Variants in GALNT13 observed in about 807,000 individuals in gnomAD.
The protein encoded by GALNT13 is polypeptide N-acetylgalactosaminyltransferase 13.
Under a neutral mutation model 64.2 loss-of-function variants are expected in GALNT13, and 28 were observed. The observed-to-expected ratio is 0.44, with a 90% CI of 0.32 to 0.60. The LOEUF (loss-of-function observed/expected upper bound fraction) is 0.60, where lower values mean the gene tolerates loss of function less well. GALNT13 is among the 20% of genes least tolerant of loss of function. The pLI, the probability that GALNT13 is intolerant of heterozygous loss-of-function variation, is 0.05. For missense variants in GALNT13, 577 were observed against 669.8 expected, an observed-to-expected ratio of 0.86 and a Z score of 1.53; for synonymous variants, 214 against 224.6, an observed-to-expected ratio of 0.95 and a Z score of 0.42.
At chr2:153,882,026 T>A (rs952088628) in intron 1 of GALNT13, among the ~76,000 whole-genome samples, 1 of 152,126 alleles carries the variant, frequency 6.6e-6, no homozygotes, top group African/African-American at 2.4e-5. Flanking sequence ...TAGATGAGTA[T>A]CCATTTTAAG....
At chr2:154,203,983 C>T (rs555642315) in intron 4 of GALNT13, among the ~76,000 whole-genome samples, 11 of 152,262 alleles carry the variant, frequency 7.2e-5, no homozygotes, top group East Asian at 1.9e-4. Flanking sequence ...TTACCTACTA[C>T]GCCATCAATC....
the GALNT13 span, among the ~76,000 whole-genome samples, chr2:153,376,466 A>G: frequency 6.6e-6 from 1 of 152,184 alleles, no homozygotes; most frequent in Non-Finnish European, 1.5e-5. Flanking sequence ...TTGCTGACCC[A>G]GAGAATGTAT....
At chr2:153,113,855 G>A in the GALNT13 span, among the ~76,000 whole-genome samples, 2 of 151,994 alleles carry the variant, frequency 1.3e-5, no homozygotes, top group African/African-American at 2.4e-5. Context: ...AAATTTGTTC[G>A]TGGCCACTTT....
Position 154,110,362 on chromosome 2 carries a change from G to C in GALNT13, c.143-29975G>C, listed in dbSNP as rs868712364. 3.6e-4 allele frequency among the ~76,000 whole-genome samples: 39 copies of C among 109,192 alleles called. 1 individual carries two copies. Among genetic ancestry groups the C allele is most frequent in the East Asian group, 1.2e-3 (2 of 1,630 alleles). The allele number at this position is 109,192 out of a possible 152,430, so 71.6% of individuals were successfully genotyped here. ...AGAGAGAGAGAGAGAGAGAGAGAGA[G>C]AGAGAGAGAGAGAGACAGAGAGAGA... On this transcript the variant is annotated intron_variant, in intron 3 of 12. Transcript: ENST00000392825.
At chr2:153,704,952 G>A in the GALNT13 span, among the ~76,000 whole-genome samples, 1 of 152,178 alleles carries the variant, frequency 6.6e-6, no homozygotes, top group African/African-American at 2.4e-5. Context: ...AGTTAAGCTA[G>A]AAATGTGGGG....
At chr2:153,912,741 G>T (rs1488884692) in intron 2 of GALNT13, among the ~76,000 whole-genome samples, 1 of 152,172 alleles carries the variant, frequency 6.6e-6, no homozygotes, top group Non-Finnish European at 1.5e-5. Context: ...TTGGGCACTG[G>T]CTTTGTTTTC....
the GALNT13 span, among the ~76,000 whole-genome samples, chr2:153,495,984 A>C: frequency 6.6e-6 from 1 of 152,172 alleles, no homozygotes; most frequent in Non-Finnish European, 1.5e-5. Flanking sequence ...CAGAGTTCCT[A>C]CTGGCTGAAC....
At chr2:154,181,757 T>G (rs1685970910) in intron 4 of GALNT13, among the ~76,000 whole-genome samples, 1 of 152,038 alleles carries the variant, frequency 6.6e-6, no homozygotes, top group Non-Finnish European at 1.5e-5. Context: ...AAGTATTTTT[T>G]CATACTTTAA....
chr2:154,278,833 G>T (rs1001719406), intron 8 of GALNT13, among the ~76,000 whole-genome samples: 1 of 152,048 alleles, frequency 6.6e-6, no homozygotes, highest in Middle Eastern at 3.4e-3. Context: ...TAAGACATTT[G>T]CCCGCAAATA....
the GALNT13 span, among the ~76,000 whole-genome samples, chr2:153,792,668 G>T: frequency 6.6e-6 from 1 of 152,028 alleles, no homozygotes; most frequent in Non-Finnish European, 1.5e-5. Context: ...ACTTGTATGG[G>T]TATACTCTAA....
At chr2:153,408,576 G>A in the GALNT13 span, among the ~76,000 whole-genome samples, 3 of 152,070 alleles carry the variant, frequency 2.0e-5, no homozygotes, top group African/African-American at 2.4e-5. Flanking sequence ...AAACTGAAAT[G>A]ATTCTACACG....
At chr2:153,324,458 C>A in the GALNT13 span, among the ~76,000 whole-genome samples, 2 of 152,312 alleles carry the variant, frequency 1.3e-5, no homozygotes, top group African/African-American at 4.8e-5. Flanking sequence ...AATTTGATTT[C>A]CTCTCTTCCT....
intron 3 of GALNT13, among the ~76,000 whole-genome samples, chr2:154,091,559 T>G (rs1701810780): frequency 6.6e-6 from 1 of 151,930 alleles, no homozygotes; most frequent in Admixed American, 6.6e-5. Flanking sequence ...CATCATACTT[T>G]CTGAATATAT....
intron 4 of GALNT13, among the ~76,000 whole-genome samples, chr2:154,216,384 C>T (rs530357040): frequency 6.6e-6 from 1 of 152,146 alleles, no homozygotes; most frequent in African/African-American, 2.4e-5. Context: ...TCTACAAAAA[C>T]TTGATTGGTT....
At chr2:153,251,544 T>A in the GALNT13 span, among the ~76,000 whole-genome samples, 3 of 152,070 alleles carry the variant, frequency 2.0e-5, no homozygotes, top group Non-Finnish European at 4.4e-5. Flanking sequence ...TATGTATACA[T>A]GTGCCATGCT....
At chr2:153,744,673 C>T in the GALNT13 span, among the ~76,000 whole-genome samples, 3 of 152,084 alleles carry the variant, frequency 2.0e-5, no homozygotes, top group African/African-American at 7.2e-5. Flanking sequence ...CTGAGCATGA[C>T]CGAGACCAAA....
rs1685972306 is a variant in GALNT13, at chr2:153,871,939, T to G, written c.-541T>G. On this transcript the variant is annotated 5_prime_UTR_variant, in exon 1 of 13. Transcript: ENST00000392825. ...GGAGAAGTGACCAGGCGGCGGCGGC[T>G]CTGCTGAGGTGACAACGTGCTAGCA... 1 of 152,152 alleles carries G rather than the reference T, an allele frequency of 6.6e-6. No individual in the cohort carries two copies. Among genetic ancestry groups the G allele is most frequent in the Non-Finnish European group, 1.5e-5 (1 of 68,264 alleles). 9.4% of individuals were successfully genotyped at this position (152,152 alleles called of 1,614,324 possible). A position where few individuals can be genotyped will look rare whatever the true frequency, so the allele number is the denominator to read the frequency against.
At chr2:153,707,567 C>T in the GALNT13 span, among the ~76,000 whole-genome samples, 3 of 152,226 alleles carry the variant, frequency 2.0e-5, no homozygotes, top group Non-Finnish European at 2.9e-5. Context: ...TGTGCTAACA[C>T]ATCTGTGACC....
intron 8 of GALNT13, chr2:154,286,901 C>T (rs952916987): frequency 4.8e-5 from 22 of 459,316 alleles, no homozygotes; most frequent in Admixed American, 1.2e-4. Context: ...AGCCAGTTTG[C>T]GCACATCTTC....
Sources: allele counts gnomAD v4.1 joint callset (sites outside exome capture counted in the v4.1 genomes callset), GRCh38; gene constraint gnomAD v4.1.1; transcripts MANE v1.5; gene names NCBI Gene and HGNC (gene_info 2026-07-23, HGNC 2026-07-21).